The following LRRC1 variants were observed in gnomAD, a reference collection of about 807,000 sequenced individuals.
LRRC1 encodes leucine-rich repeat-containing protein 1.
Under a neutral mutation model 69.9 loss-of-function variants are expected in LRRC1, and 28 were observed. The observed-to-expected ratio is 0.40, with a 90% confidence interval of 0.30 to 0.55. The LOEUF is 0.55. LRRC1 is among the 20% of genes least tolerant of loss of function. LRRC1 has a pLI of 0.47. For synonymous variants in LRRC1, 236 were observed against 240.2 expected, an observed-to-expected ratio of 0.98 and a Z score of 0.16; for missense variants, 498 against 609.0, an observed-to-expected ratio of 0.82 and a Z score of 1.92.
chr6:53,809,121 T>G (rs1050380009), intron 1 of LRRC1, among the ~76,000 whole-genome samples: 1 of 152,256 alleles, frequency 6.6e-6, no homozygotes, highest in African/African-American at 2.4e-5. Flanking sequence ...GCACTCCAAC[T>G]ATAAGTCTGC....
At chr6:53,853,014 A>G (rs962330127) in intron 2 of LRRC1, among the ~76,000 whole-genome samples, 1 of 152,176 alleles carries the variant, frequency 6.6e-6, no homozygotes, top group African/African-American at 2.4e-5. Context: ...TCTGCATCAA[A>G]GATGGTGCCT....
At chr6:53,857,038 G>T (rs553187344) in intron 2 of LRRC1, among the ~76,000 whole-genome samples, 1 of 152,340 alleles carries the variant, frequency 6.6e-6, no homozygotes. Context: ...GAGTTTATCT[G>T]TGGACATGTG....
chr6:53,917,661 T>C (rs929080552), intron 11 of LRRC1, among the ~76,000 whole-genome samples: 8 of 152,328 alleles, frequency 5.3e-5, no homozygotes, highest in Non-Finnish European at 7.4e-5. Context: ...CTTTCTGTTC[T>C]CATGAGTAAG....
chr6:53,883,024 A>G, intron 4 of LRRC1, 48 bp downstream of exon 4: 4 of 1,170,358 alleles, frequency 3.4e-6, no homozygotes, highest in South Asian at 2.6e-5. Context: ...AAGGGGGTTT[A>G]TATCATCAGC....
chr6:53,865,574 ATAT>A (rs1270301611), intron 2 of LRRC1, among the ~76,000 whole-genome samples: 9 of 151,980 alleles, frequency 5.9e-5, no homozygotes, highest in Non-Finnish European at 7.4e-5. Flanking sequence ...TGTTTATGCC[ATAT>A]TATTTTTTGT....
intron 1 of LRRC1, among the ~76,000 whole-genome samples, chr6:53,818,055 A>G (rs1018939637): frequency 2.0e-5 from 3 of 152,246 alleles, no homozygotes; most frequent in Admixed American, 6.5e-5. Context: ...GTGCACGTAC[A>G]ATGAAAAGTG....
intron 1 of LRRC1, among the ~76,000 whole-genome samples, chr6:53,834,337 G>A (rs1345804259): frequency 1.3e-5 from 2 of 152,176 alleles, no homozygotes; most frequent in African/African-American, 2.4e-5. Context: ...GGTTTCATTA[G>A]CATGCTCTTT....
chr6:53,894,085 T>G (rs1767791006), intron 4 of LRRC1, among the ~76,000 whole-genome samples: 2 of 152,156 alleles, frequency 1.3e-5, no homozygotes, highest in South Asian at 4.1e-4. Flanking sequence ...TTTTTAAAAT[T>G]TAAATGAGAG....
chr6:53,878,576 C>G (rs1767152545), intron 2 of LRRC1, among the ~76,000 whole-genome samples: 1 of 152,112 alleles, frequency 6.6e-6, no homozygotes, highest in East Asian at 1.9e-4. Flanking sequence ...GCTGATCTGA[C>G]AGTAGGTGGA....
chr6:53,797,379 T>TA (rs1764332362), intron 1 of LRRC1, among the ~76,000 whole-genome samples: 1 of 152,228 alleles, frequency 6.6e-6, no homozygotes, highest in African/African-American at 2.4e-5. Flanking sequence ...TCTCCCTGAC[T>TA]TATTGTGTGT....
intron 7 of LRRC1, 127 bp downstream of exon 7, chr6:53,897,486 G>A (rs1767914890): frequency 3.8e-5 from 24 of 628,036 alleles, no homozygotes; most frequent in Middle Eastern, 5.6e-4. Context: ...GATTGAAAAG[G>A]CACATTTGGA....
At chr6:53,836,026 T>C (rs1409088840) in intron 1 of LRRC1, among the ~76,000 whole-genome samples, 1 of 152,118 alleles carries the variant, frequency 6.6e-6, no homozygotes, top group Non-Finnish European at 1.5e-5. Context: ...GCCCCAAGAG[T>C]CCTTGCAGCT....
chr6:53,879,825 C>T (rs775341909), intron 3 of LRRC1, among the ~76,000 whole-genome samples: 1 of 152,048 alleles, frequency 6.6e-6, no homozygotes, highest in Non-Finnish European at 1.5e-5. Context: ...GTGAGCTGTT[C>T]CTTATGGCTC....
Position 53,842,203 on chromosome 6 carries a change from G to A in LRRC1, c.253G>A (p.Val85Met). 2 of 1,613,604 alleles carry A rather than the reference G, an allele frequency of 1.2e-6. No homozygotes were observed. The highest frequency in any genetic ancestry group is 1.1e-5 in the South Asian group (1 of 91,050). Residue 85 changes from valine to methionine, a missense_variant, in exon 2 of 14, where the codon GTG becomes ATG. Transcript: ENST00000370888. Reference sequence around the variant, plus strand: ...AGAAATAGCAAACTTCATGCAGCTGGTGGAACTAGATGTGTCTCGAAATGG... The same window carrying A: ...AGAAATAGCAAACTTCATGCAGCTGATGGAACTAGATGTGTCTCGAAATGG... ...PPEIANFMQL[V>M]ELDVSRNEIP...
intron 1 of LRRC1, among the ~76,000 whole-genome samples, chr6:53,830,540 T>C (rs1469564149): frequency 2.0e-5 from 3 of 152,250 alleles, no homozygotes; most frequent in Non-Finnish European, 4.4e-5. Flanking sequence ...TGTTTCGTGT[T>C]TGCATAACTG....
chr6:53,840,025 A>C (rs9474665), intron 1 of LRRC1, among the ~76,000 whole-genome samples: 38,878 of 151,976 alleles, frequency 0.26, 5,110 homozygotes, highest in African/African-American at 0.26. Context: ...CCTGATATTC[A>C]AGCAACATTT....
chr6:53,811,582 T>G (rs28516454), intron 1 of LRRC1, among the ~76,000 whole-genome samples: 75 of 152,268 alleles, frequency 4.9e-4, no homozygotes, highest in African/African-American at 1.8e-3. Flanking sequence ...CAGTTGTAAC[T>G]TTTAAAATAC....
chr6:53,900,026 T>TTTTTG (rs1401785158), intron 8 of LRRC1, 135 bp downstream of exon 8: 1 of 150,430 alleles, frequency 6.6e-6, no homozygotes, highest in Non-Finnish European at 9.7e-6. Flanking sequence ...TACTGTTTTT[T>TTTTTG]TTTTTTTTTT....
intron 1 of LRRC1, among the ~76,000 whole-genome samples, chr6:53,833,763 T>C (rs1765529447): frequency 6.6e-6 from 1 of 152,200 alleles, no homozygotes; most frequent in Non-Finnish European, 1.5e-5. Context: ...GGCAAATAGA[T>C]GGGCAGGGAG....
Sources: allele counts gnomAD v4.1 joint callset (sites outside exome capture counted in the v4.1 genomes callset), GRCh38; gene constraint gnomAD v4.1.1; transcripts MANE v1.5; gene names NCBI Gene and HGNC (gene_info 2026-07-23, HGNC 2026-07-21).